The following SELENOV variants were observed in gnomAD, a reference collection of about 807,000 sequenced individuals.
The protein encoded by SELENOV is selenoprotein V.
In SELENOV, 25 loss-of-function variants were observed where a neutral mutation model predicts 21.6. The observed-to-expected ratio is 1.16, with a 90% CI of 0.84 to 1.62. The LOEUF (loss-of-function observed/expected upper bound fraction) is 1.62, where lower values mean the gene tolerates loss of function less well. Ranked by LOEUF, SELENOV falls within the 40% of genes most tolerant of loss-of-function variation. SELENOV has a pLI of 0.00. For synonymous variants in SELENOV, 227 were observed against 216.9 expected (o/e 1.05, Z -0.41); for missense variants, 472 against 459.0 (o/e 1.03, Z -0.26).
chr19:39,518,903 G>A, exon 4 of SELENOV: 2 of 1,613,854 alleles, frequency 1.2e-6, no homozygotes, highest in Non-Finnish European at 8.5e-7. Flanking sequence ...TTCCTCCCAG[G>A]AGGAGGACAG....
chr19:39,518,522 T>G (rs1282122779), intron 1 of SELENOV, 86 bp from the exon 2 acceptor site: 1 of 1,325,760 alleles, frequency 7.5e-7, no homozygotes, highest in Non-Finnish European at 1.1e-6. Flanking sequence ...CAGGTGTTCA[T>G]AGGGTGCCCT....
At position 39,515,204 on chromosome 19, in the gene SELENOV, C is replaced by T; in HGVS notation, c.-9C>T. ...CCCCAACCGGCTTGCCCCGGTCCCC[C>T]TGGGCCCCATGAATAACCAGGCGCG... On this transcript the variant is annotated 5_prime_UTR_variant, in exon 1 of 6. Transcript: ENST00000335426. The surrounding 1 kb of genome is among the most constrained non-coding windows in gnomAD (Gnocchi z 5.1). 1 of 1,532,164 alleles carries T rather than the reference C, an allele frequency of 6.5e-7. No individual in the cohort carries two copies. The highest frequency in any genetic ancestry group is 8.8e-7 in the Non-Finnish European group (1 of 1,131,442). 94.9% of individuals were successfully genotyped at this position (1,532,164 alleles called of 1,614,324 possible). A position where few individuals can be genotyped will look rare whatever the true frequency, so the allele number is the denominator to read the frequency against.
At chr19:39,519,610 GAGCTCTGACTGGGCCACTGC>G (rs1166027724) in intron 5 of SELENOV, among the ~76,000 whole-genome samples, 14 of 151,870 alleles carry the variant, frequency 9.2e-5, no homozygotes, top group Admixed American at 2.6e-4. Context: ...AGGCTGCAAT[GAGCTCTGACTGGGCCACTGC>G]ACTCTAGCTT....
intron 1 of SELENOV, among the ~76,000 whole-genome samples, chr19:39,517,951 C>G (rs914724763): frequency 3.1e-5 from 2 of 64,720 alleles, no homozygotes; most frequent in Non-Finnish European, 6.1e-5. Flanking sequence ...GGCGACAGAG[C>G]AAGACTCTGT....
At position 39,515,579 on chromosome 19, in the gene SELENOV, C is replaced by A; in HGVS notation, c.367C>A (p.Pro123Thr). 1 of 1,547,914 alleles carries A rather than the reference C, an allele frequency of 6.5e-7. No individual in the cohort carries two copies. ...GACCCTGACTCCTCCAGTCCGGGTC[C>A]CAGCCCCAGCCCCAGCCCAGCTCCT... is the stretch of plus-strand genomic sequence containing the variant. The change falls in exon 1 of 6, where the codon CCA (proline) becomes ACA (threonine). Residue 123 changes from proline (P) to threonine (T), a missense_variant. By Grantham distance (38) the Pro-to-Thr change is conservative (BLOSUM62 -1). Transcript: ENST00000335426. The surrounding 1 kb of genome is among the most constrained non-coding windows in gnomAD (Gnocchi z 5.1).
rs1568454547 is a variant in SELENOV, at chr19:39,515,725, G to T, written c.513G>T (p.Pro171=). 6.5e-7 allele frequency: 1 copy of T among 1,549,474 alleles called. No individual in the cohort carries two copies. Among genetic ancestry groups the T allele is most frequent in the African/African-American group, 1.4e-5 (1 of 73,160 alleles). The change falls in exon 1 of 6, where the codon CCG becomes CCT. Residue 171 remains proline (P), a synonymous_variant. Transcript: ENST00000335426. This position sits in a 1 kb window ranked among gnomAD's most constrained non-coding sequence, Gnocchi z 5.1. ...TGTTGCCCGAGGAGGACCCTGAGCC[G>T]GCGCCGAGCCTGAAGCTCATCCCGT...
At chr19:39,519,688 G>C (rs1375308490) in intron 5 of SELENOV, among the ~76,000 whole-genome samples, 1 of 150,450 alleles carries the variant, frequency 6.6e-6, no homozygotes, top group Non-Finnish European at 1.5e-5. Context: ...AAAAAGTGCC[G>C]GGCGGGATGG....
Position 39,515,896 on chromosome 19 carries a change from T to C in SELENOV, c.684T>C (p.Pro228=), listed in dbSNP as rs1378519393. ...TGGCGGATCCCCCCATTCCCAGTCC[T>C]GTCCCCTCGCCCATCCTGGGGACCA... is the stretch of plus-strand genomic sequence containing the variant. Residue 228 remains proline, a synonymous_variant, in exon 1 of 6, where the codon CCT becomes CCC. Transcript: ENST00000335426. This position sits in a 1 kb window ranked among gnomAD's most constrained non-coding sequence, Gnocchi z 5.1. The C allele has an allele frequency of 6.3e-7, 1 of 1,580,144 alleles. No homozygotes were observed. The highest frequency in any genetic ancestry group is 8.6e-7 in the Non-Finnish European group (1 of 1,163,378).
chr19:39,516,427 GTCTCTC>G (rs143879239), intron 1 of SELENOV, among the ~76,000 whole-genome samples: 2 of 149,820 alleles, frequency 1.3e-5, no homozygotes, highest in African/African-American at 4.9e-5. Flanking sequence ...CTGGCCCCTT[GTCTCTC>G]TCTCTCTCTC....
rs1356132463 is a variant in SELENOV, at chr19:39,515,460, G to T, written c.248G>T (p.Arg83Leu). The T allele has an allele frequency of 1.9e-6, 3 of 1,550,778 alleles. No individual in the cohort carries two copies. The East Asian group carries it at 7.3e-5, about 38-fold the overall frequency. The change falls in exon 1 of 6, where the codon CGT becomes CTT. Residue 83 changes from arginine to leucine, a missense_variant. Coordinates refer to ENST00000335426, the Ensembl canonical transcript of SELENOV. This position sits in a 1 kb window ranked among gnomAD's most constrained non-coding sequence, Gnocchi z 5.1. ...ACTCCCGCTCTGGCCCGGATCCCCC[G>T]TCTGGTTCCGCCTCCTGCTCCGGCC...
At chr19:39,518,143 C>T (rs967486528) in intron 1 of SELENOV, among the ~76,000 whole-genome samples, 8 of 151,004 alleles carry the variant, frequency 5.3e-5, no homozygotes, top group Admixed American at 1.3e-4. Context: ...TGGTGGTGGG[C>T]GCCTATAGTC....
intron 1 of SELENOV, among the ~76,000 whole-genome samples, chr19:39,518,294 C>CAAAAAAAAAAAAAAAAAAAAAAAAAA (rs56055153): frequency 9.3e-6 from 1 of 107,182 alleles, no homozygotes; most frequent in African/African-American, 3.4e-5. Flanking sequence ...AACAAAAAAA[C>CAAAAAAAAAAAAAAAAAAAAAAAAAA]AAAAAAAAAA....
exon 4 of SELENOV, chr19:39,518,929 A>G (rs2079714066): frequency 6.2e-7 from 1 of 1,613,718 alleles, no homozygotes; most frequent in Non-Finnish European, 8.5e-7. Flanking sequence ...CCCAGGCTAC[A>G]GGGGAGTTTG....
chr19:39,518,157 G>A (rs2079707784), intron 1 of SELENOV, among the ~76,000 whole-genome samples: 1 of 151,116 alleles, frequency 6.6e-6, no homozygotes, highest in Non-Finnish European at 1.5e-5. Context: ...TATAGTCCCA[G>A]CTACTAGGGA....
chr19:39,518,963 G>T, exon 4 of SELENOV: 1 of 1,613,794 alleles, frequency 6.2e-7, no homozygotes, highest in Non-Finnish European at 8.5e-7. Context: ...CGGGAGACTG[G>T]TCCATTCCAA....
chr19:39,515,455 C>A lies in SELENOV; in HGVS notation c.243C>A (p.Ile81=), dbSNP rs1466351853. 6.4e-7 allele frequency: 1 copy of A among 1,551,506 alleles called. No homozygotes were observed. Among genetic ancestry groups the A allele is most frequent in the East Asian group, 2.4e-5 (1 of 40,914 alleles). ...TCCCCACTCCCGCTCTGGCCCGGAT[C>A]CCCCGTCTGGTTCCGCCTCCTGCTC... is the stretch of plus-strand genomic sequence containing the variant. The change falls in exon 1 of 6, where the codon ATC becomes ATA. Residue 81 remains isoleucine, a synonymous_variant. Transcript: ENST00000335426. This position sits in a 1 kb window ranked among gnomAD's most constrained non-coding sequence, Gnocchi z 5.1.
intron 1 of SELENOV, chr19:39,518,332 TA>T (rs2079710224): frequency 2.0e-6 from 1 of 509,386 alleles, no homozygotes; most frequent in African/African-American, 2.0e-5. Context: ...AAAGATGAGC[TA>T]GGGGCTTCTG....
Position 39,518,596 on chromosome 19 carries a change from CTTGG to C in SELENOV, c.810-11_810-8del. Reference sequence around the variant, plus strand: ...TCTCTCTTAACTTTCTCCTCCTGCTCTTGGCCTCCAGTGGCCTCTGAAGCTATAG... The same window carrying C: ...TCTCTCTTAACTTTCTCCTCCTGCTCCCTCCAGTGGCCTCTGAAGCTATAG... On this transcript the variant is annotated splice_polypyrimidine_tract_variant and splice_region_variant and intron_variant, in intron 1 of 5. Transcript: ENST00000335426. The C allele has an allele frequency of 6.3e-7, 1 of 1,597,578 alleles. No homozygotes were observed. The highest frequency in any genetic ancestry group is 8.5e-7 in the Non-Finnish European group (1 of 1,170,932).
chr19:39,516,620 A>G (rs1483726257), intron 1 of SELENOV, among the ~76,000 whole-genome samples: 5 of 150,888 alleles, frequency 3.3e-5, no homozygotes, highest in Non-Finnish European at 7.4e-5. Context: ...CTCGACCTCC[A>G]GGGCTCAAGC....
Sources: allele counts gnomAD v4.1 joint callset (sites outside exome capture counted in the v4.1 genomes callset), GRCh38; gene constraint gnomAD v4.1.1; non-coding constraint Gnocchi (gnomAD v3.1); transcripts MANE v1.5; gene names NCBI Gene and HGNC (gene_info 2026-07-23, HGNC 2026-07-21).